Variants in SPIDR observed in about 807,000 individuals in gnomAD.
SPIDR encodes scaffold protein involved in DNA repair.
In SPIDR, 93 loss-of-function variants were observed where a neutral mutation model predicts 104.6. That is an observed-to-expected ratio of 0.89 (90% confidence interval 0.75 to 1.06). SPIDR has a LOEUF of 1.06. Ranked by LOEUF, SPIDR falls within the 50% of genes least tolerant of loss-of-function variation. The probability of loss-of-function intolerance (pLI) is 0.00; values close to 1 mark genes in which losing one functional copy is unlikely to be tolerated. For missense variants in SPIDR, 1,154 were observed against 1,111.2 expected, an observed-to-expected ratio of 1.04 and a Z score of -0.55; for synonymous variants, 431 against 416.9, an observed-to-expected ratio of 1.03 and a Z score of -0.41.
At chr8:47,657,720 A>G (rs1300631866) in intron 10 of SPIDR, among the ~76,000 whole-genome samples, 1 of 152,158 alleles carries the variant, frequency 6.6e-6, no homozygotes, top group African/African-American at 2.4e-5. Flanking sequence ...CAATTAACTC[A>G]ATAAAAATTT....
intron 5 of SPIDR, among the ~76,000 whole-genome samples, chr8:47,374,146 G>C (rs2058377991): frequency 6.6e-6 from 1 of 152,168 alleles, no homozygotes; most frequent in South Asian, 2.1e-4. Context: ...TCTATCAAAA[G>C]GGATTTTAGA....
chr8:47,544,051 C>G (rs1204002162), intron 8 of SPIDR, among the ~76,000 whole-genome samples: 5 of 151,850 alleles, frequency 3.3e-5, no homozygotes, highest in African/African-American at 9.7e-5. Flanking sequence ...TGGCCCAGGA[C>G]TTTGTTTTTT....
In SPIDR at chr8:47,735,377, C is replaced by T. The variant is rs1039226046; in HGVS notation, c.2675C>T (p.Ala892Val). ...LLNCFVQSVTAHPTSCIGLEE... is the reference protein window; with the variant it reads ...LLNCFVQSVTVHPTSCIGLEE... ...AATTGTTTTGTCCAGTCCGTAACCG[C>T]CCACCCGACCAGCTGCATTGGATTG... The change falls in exon 20 of 20, where the codon GCC (alanine) becomes GTC (valine). Residue 892 changes from alanine to valine, a missense_variant. By Grantham distance (64) the Ala-to-Val change is moderately conservative. Transcript: ENST00000297423. 8.7e-6 allele frequency: 14 copies of T among 1,613,916 alleles called. No homozygotes were observed. Among genetic ancestry groups the T allele is most frequent in the Non-Finnish European group, 1.1e-5 (13 of 1,180,044 alleles).
intron 5 of SPIDR, among the ~76,000 whole-genome samples, chr8:47,380,688 G>A (rs1554645031): frequency 6.6e-6 from 1 of 152,212 alleles, no homozygotes; most frequent in Non-Finnish European, 1.5e-5. Context: ...AGCTGCAGCT[G>A]AGGTTGGAAA....
intron 10 of SPIDR, chr8:47,654,176 A>G (rs1198352648): frequency 7.8e-7 from 1 of 1,289,626 alleles, no homozygotes; most frequent in African/African-American, 1.5e-5. Context: ...ACTCTATTCG[A>G]TAAGAAGGAG....
At chr8:47,281,630 A>G (rs934109135) in intron 2 of SPIDR, among the ~76,000 whole-genome samples, 2 of 152,240 alleles carry the variant, frequency 1.3e-5, no homozygotes, top group Non-Finnish European at 2.9e-5. Context: ...CAATTCAGTC[A>G]TATCTTCAGG....
chr8:47,296,203 AT>A (rs1383799555), intron 5 of SPIDR, among the ~76,000 whole-genome samples: 3 of 152,052 alleles, frequency 2.0e-5, no homozygotes, highest in Admixed American at 2.0e-4. Context: ...GTTTGTAGAT[AT>A]TTTCTCTCAA....
At chr8:47,667,898 GA>G (rs1188526448) in intron 10 of SPIDR, 1 of 151,692 alleles carries the variant, frequency 6.6e-6, no homozygotes, top group Non-Finnish European at 1.5e-5. Context: ...AATAAAACTT[GA>G]AAAAAACAAA....
chr8:47,492,922 A>G (rs778195936), intron 8 of SPIDR, among the ~76,000 whole-genome samples: 15 of 151,920 alleles, frequency 9.9e-5, no homozygotes, highest in Admixed American at 2.0e-4. Flanking sequence ...GAGTATCTTG[A>G]CTGTTCATTT....
chr8:47,287,740 C>CT (rs2039136653), intron 3 of SPIDR, among the ~76,000 whole-genome samples: 1 of 152,166 alleles, frequency 6.6e-6, no homozygotes, highest in Non-Finnish European at 1.5e-5. Flanking sequence ...CTGAAAATCG[C>CT]TGTTATTCTG....
In SPIDR at chr8:47,612,316, CTCTGAG is replaced by C. The variant is rs1178632744; in HGVS notation, c.1544+13121_1544+13126del. 5.9e-5 allele frequency among the ~76,000 whole-genome samples: 9 copies of C among 152,308 alleles called. No individual in the cohort carries two copies. In the South Asian group the frequency reaches 1.5e-3, roughly 25 times the overall value. The stretch of plus-strand genomic sequence containing the variant: ...CATTGAATGAGGAGAAGCTGAACAT[CTCTGAG>C]GACCTATCTCCTCAAGAGCTATGGA... On this transcript the variant is annotated intron_variant, in intron 10 of 19. Coordinates refer to ENST00000297423, the MANE Select transcript of SPIDR (RefSeq NM_001080394.4).
chr8:47,549,405 A>G (rs929978460), intron 8 of SPIDR, among the ~76,000 whole-genome samples: 3 of 152,122 alleles, frequency 2.0e-5, no homozygotes, highest in African/African-American at 7.2e-5. Flanking sequence ...AAGTGTTCCT[A>G]TTTCTGCACA....
intron 9 of SPIDR, among the ~76,000 whole-genome samples, chr8:47,597,409 TC>T (rs2061745242): frequency 6.6e-6 from 1 of 152,084 alleles, no homozygotes; most frequent in Non-Finnish European, 1.5e-5. Flanking sequence ...ATCTTCCCCT[TC>T]CTGTGTCCAT....
intron 5 of SPIDR, among the ~76,000 whole-genome samples, chr8:47,375,009 C>G (rs1181977742): frequency 6.6e-6 from 1 of 151,714 alleles, no homozygotes; most frequent in Admixed American, 6.6e-5. Flanking sequence ...GAGCCGAGAT[C>G]GCACCACTGC....
At chr8:47,469,127 CAG>C (rs1367126165) in intron 8 of SPIDR, among the ~76,000 whole-genome samples, 3 of 152,120 alleles carry the variant, frequency 2.0e-5, no homozygotes, top group African/African-American at 7.2e-5. Context: ...AAATGCAAAT[CAG>C]AACCACAATG....
chr8:47,306,091 G>C (rs2043045123), intron 5 of SPIDR, among the ~76,000 whole-genome samples: 1 of 152,042 alleles, frequency 6.6e-6, no homozygotes. Context: ...TCTGTGACTG[G>C]TTTATTTCAC....
chr8:47,544,591 A>G (rs1367798725), intron 8 of SPIDR, among the ~76,000 whole-genome samples: 1 of 152,202 alleles, frequency 6.6e-6, no homozygotes, highest in East Asian at 1.9e-4. Flanking sequence ...TTTCTCCACC[A>G]TTTGTTGAAA....
chr8:47,673,029 G>A (rs568790957), intron 10 of SPIDR, among the ~76,000 whole-genome samples: 17 of 152,252 alleles, frequency 1.1e-4, no homozygotes, highest in Non-Finnish European at 2.2e-4. Context: ...CTTTAGAACA[G>A]TTTTTATGTC....
chr8:47,692,961 G>A (rs2078876739), intron 11 of SPIDR, among the ~76,000 whole-genome samples: 1 of 152,176 alleles, frequency 6.6e-6, no homozygotes, highest in Non-Finnish European at 1.5e-5. Context: ...CTGGATTGCT[G>A]CCACGCAGCT....
Sources: allele counts gnomAD v4.1 joint callset (sites outside exome capture counted in the v4.1 genomes callset), GRCh38; gene constraint gnomAD v4.1.1; transcripts MANE v1.5; gene names NCBI Gene and HGNC (gene_info 2026-07-23, HGNC 2026-07-21).